The following MBP variants were observed in gnomAD, a reference collection of about 807,000 sequenced individuals.
The protein encoded by MBP is myelin basic protein, also known as Golli-MBP.
A neutral mutation model predicts 35.8 loss-of-function variants in MBP; 16 were observed. The ratio of observed to expected loss-of-function variants is 0.45; its 90% CI spans 0.30 to 0.68. The LOEUF (loss-of-function observed/expected upper bound fraction) is 0.68, where lower values mean the gene tolerates loss of function less well. MBP is among the 30% of genes least tolerant of loss of function. The pLI, the probability that MBP is intolerant of heterozygous loss-of-function variation, is 0.08. For missense variants in MBP, 380 were observed against 404.7 expected, an observed-to-expected ratio of 0.94 and a Z score of 0.52; for synonymous variants, 143 against 159.6, an observed-to-expected ratio of 0.90 and a Z score of 0.78.
At chr18:77,079,186 G>A (rs1974784611) in intron 2 of MBP, among the ~76,000 whole-genome samples, 2 of 152,216 alleles carry the variant, frequency 1.3e-5, no homozygotes, top group Non-Finnish European at 2.9e-5. Flanking sequence ...GGGGTAGCAG[G>A]CCTAGGACTA....
At chr18:77,091,599 A>C (rs968932732) in intron 2 of MBP, among the ~76,000 whole-genome samples, 127 of 151,550 alleles carry the variant, frequency 8.4e-4, no homozygotes, top group African/African-American at 2.7e-3. Flanking sequence ...ACACACACAC[A>C]CACACACACA....
rs1969730540 is a variant in MBP at position 76,988,938 on chromosome 18, CT to C, written c.682-27del. The C allele has an allele frequency of 6.2e-7, 1 of 1,612,838 alleles. No individual in the cohort carries two copies. The highest frequency in any genetic ancestry group is 1.3e-5 in the African/African-American group (1 of 74,898). On this transcript the variant is annotated intron_variant, in intron 5 of 8. Transcript: ENST00000355994. The surrounding 1 kb of genome is among the most constrained non-coding windows in gnomAD (Gnocchi z 5.2). ...CTGGAAAGACACAGAGAACCGTGGG[CT>C]GCACTGGGAGCCCTGTGCCGCCGTC...
chr18:77,077,607 A>G (rs1413121547), intron 2 of MBP, among the ~76,000 whole-genome samples: 1 of 152,084 alleles, frequency 6.6e-6, no homozygotes, highest in Non-Finnish European at 1.5e-5. Context: ...GGTTTTGCTG[A>G]GGGATTTAAG....
rs181161282 is a variant in MBP at position 76,989,223 on chromosome 18, C to T, written c.682-311G>A. ...AGGGAGGCGGCGGACTTTGCTTCAC[C>T]GTGAGCCCTTTCCGGGGCTAGGAGT... On this transcript the variant is annotated intron_variant, in intron 5 of 8. Transcript: ENST00000355994. This position sits in a 1 kb window ranked among gnomAD's most constrained non-coding sequence, Gnocchi z 4.0. 98 of 570,010 alleles carry T rather than the reference C, an allele frequency of 1.7e-4. 1 individual carries two copies. The highest frequency in any genetic ancestry group is 2.6e-4 in the Non-Finnish European group (82 of 310,560). The allele number at this position is 570,010 out of a possible 1,614,324, so 35.3% of individuals were successfully genotyped here. A position where few individuals can be genotyped will look rare whatever the true frequency, so the allele number is the denominator to read the frequency against.
At chr18:77,031,025 A>G (rs1287080550) in intron 3 of MBP, among the ~76,000 whole-genome samples, 1 of 152,172 alleles carries the variant, frequency 6.6e-6, no homozygotes, top group East Asian at 1.9e-4. Flanking sequence ...AGCCATACAG[A>G]CACTGTTTTA....
chr18:77,077,252 C>G (rs1404594561), intron 2 of MBP, among the ~76,000 whole-genome samples: 1 of 149,614 alleles, frequency 6.7e-6, no homozygotes, highest in Non-Finnish European at 1.5e-5. Context: ...ATCCTGGCTA[C>G]TCGGGAGGCT....
intron 3 of MBP, among the ~76,000 whole-genome samples, chr18:77,031,086 A>T (rs886425790): frequency 3.3e-5 from 5 of 152,160 alleles, no homozygotes; most frequent in Admixed American, 3.3e-4. Flanking sequence ...AAAAAAAAAA[A>T]TCCTATTTTC....
intron 4 of MBP, among the ~76,000 whole-genome samples, chr18:76,997,972 A>G (rs10469072): frequency 0.1 from 15,302 of 152,210 alleles, 860 homozygotes; most frequent in African/African-American, 0.14. Flanking sequence ...GTGAGCCACC[A>G]CGCCCGGCCT....
intron 2 of MBP, among the ~76,000 whole-genome samples, chr18:77,098,452 T>C (rs996566722): frequency 6.6e-6 from 1 of 152,164 alleles, no homozygotes; most frequent in East Asian, 1.9e-4. Context: ...GTATTTTTAA[T>C]ATGTGTGTGT....
At chr18:77,047,546 C>G (rs78195166) in intron 3 of MBP, among the ~76,000 whole-genome samples, 3,802 of 152,216 alleles carry the variant, frequency 0.025, 142 homozygotes, top group East Asian at 0.21. Flanking sequence ...TGAAAATGTT[C>G]TAAGGTTAGT....
rs537917675 is a variant in MBP at position 77,130,310 on chromosome 18, CT to C, written c.-26+2269del. On this transcript the variant is annotated intron_variant, in intron 1 of 8. Transcript: ENST00000355994. ...GGCGGTGCAGAGCAGCAGTCAGGCGCTGGTGCAGACTCCCCGGATGGAATCC... is the reference window on the plus strand; with the variant it reads ...GGCGGTGCAGAGCAGCAGTCAGGCGCGGTGCAGACTCCCCGGATGGAATCC... 1.1e-4 allele frequency among the ~76,000 whole-genome samples: 16 copies of C among 151,218 alleles called. 1 individual carries two copies. The South Asian group carries it at 3.4e-3, about 32-fold the overall frequency.
upstream of MBP, among the ~76,000 whole-genome samples, chr18:77,133,208 G>A (rs1172590093): frequency 6.6e-6 from 1 of 152,218 alleles, no homozygotes; most frequent in Admixed American, 6.5e-5. Flanking sequence ...CGGCCCTGCA[G>A]GAGGAGAGTC....
intron 3 of MBP, among the ~76,000 whole-genome samples, chr18:77,045,691 T>A (rs1375431292): frequency 1.3e-5 from 2 of 152,256 alleles, no homozygotes; most frequent in Non-Finnish European, 2.9e-5. Flanking sequence ...TTCCATCTTC[T>A]GTAGCAAAGC....
In MBP at chr18:77,026,494, A is replaced by T. The variant is rs75890248; in HGVS notation, c.140-9226T>A. Among the ~76,000 whole-genome samples, 1,474 of 152,324 alleles carry T rather than the reference A, an allele frequency of 9.7e-3. 68 individuals carry two copies. The East Asian group carries it at 0.14, about 14-fold the overall frequency. ...ATAACACGGTGGACTTCTGTGGATG[A>T]GATGATACTATCCTTCTTTTCACTA... On this transcript the variant is annotated intron_variant, in intron 3 of 8. Transcript: ENST00000355994.
At chr18:77,119,404 C>T (rs1976819432) in intron 1 of MBP, among the ~76,000 whole-genome samples, 1 of 152,206 alleles carries the variant, frequency 6.6e-6, no homozygotes, top group African/African-American at 2.4e-5. Context: ...GTCCACAGCA[C>T]ACAGCAGGCA....
Position 77,101,473 on chromosome 18 carries a change from C to T in MBP, c.51+3738G>A, listed in dbSNP as rs1206815966. ...CTGCCTGGAGGAAGTTACACTCCAT[C>T]CGCATGAGTGAATCATGAGTCAGGA... On this transcript the variant is annotated intron_variant, in intron 2 of 8. Transcript: ENST00000355994. This position sits in a 1 kb window ranked among gnomAD's most constrained non-coding sequence, Gnocchi z 4.3. 1.3e-5 allele frequency among the ~76,000 whole-genome samples: 2 copies of T among 152,184 alleles called. No homozygotes were observed. The highest frequency in any genetic ancestry group is 2.9e-5 in the Non-Finnish European group (2 of 68,018).
intron 4 of MBP, chr18:77,005,795 G>C (rs1970936038): frequency 6.6e-6 from 1 of 152,562 alleles, no homozygotes; most frequent in African/African-American, 2.4e-5. Context: ...CAGCAGCTCT[G>C]AGGGTGGCCA....
In MBP at chr18:77,014,531, T is replaced by C. The variant is rs973112898; in HGVS notation, c.576+2301A>G. On this transcript the variant is annotated intron_variant, in intron 4 of 8. Transcript: ENST00000355994. ...CTATCCCAAGGACCTTCCTAGCATA[T>C]AAAAACAGGGGCTCTCCTGATTTGT... 81 of 985,274 alleles carry C rather than the reference T, an allele frequency of 8.2e-5. No homozygotes were observed. In the African/African-American group the frequency reaches 1.4e-3, roughly 17 times the overall value. The allele number at this position is 985,274 out of a possible 1,614,324, so 61.0% of individuals were successfully genotyped here. A position where few individuals can be genotyped will look rare whatever the true frequency, so the allele number is the denominator to read the frequency against.
chr18:77,068,432 G>C (rs1275317048), intron 2 of MBP, among the ~76,000 whole-genome samples: 1 of 152,062 alleles, frequency 6.6e-6, no homozygotes, highest in Non-Finnish European at 1.5e-5. Flanking sequence ...AACCTTTATG[G>C]GGAAGTCATC....
Sources: gnomAD v4.1 joint callset for allele counts (sites outside exome capture counted in the v4.1 genomes callset) on GRCh38, gnomAD v4.1.1 for gene constraint, Gnocchi (gnomAD v3.1) non-coding constraint, MANE v1.5 for transcripts, NCBI Gene and HGNC (gene_info 2026-07-23, HGNC 2026-07-21) for gene names.